Variants in ZZEF1 observed in about 807,000 individuals in gnomAD.
ZZEF1 encodes the protein zinc finger ZZ-type and EF-hand domain-containing protein 1.
A neutral mutation model predicts 342.8 loss-of-function variants in ZZEF1; 157 were observed. The observed-to-expected ratio is 0.46, with a 90% CI of 0.40 to 0.52. The LOEUF is 0.52. Among genes scored for constraint, ZZEF1 ranks in the 20% least tolerant of loss-of-function variants. ZZEF1 has a pLI of 0.00. For missense variants in ZZEF1, 3,480 were observed against 3,725.6 expected (o/e 0.93, Z 1.72); for synonymous variants, 1,505 against 1,429.1 (o/e 1.05, Z -1.20).
chr17:4,063,868 T>C (rs1043372076), intron 29 of ZZEF1, among the ~76,000 whole-genome samples: 2 of 151,826 alleles, frequency 1.3e-5, no homozygotes, highest in African/African-American at 4.8e-5. Flanking sequence ...GCTGGGATTA[T>C]AGGCATCCAC....
intron 11 of ZZEF1, among the ~76,000 whole-genome samples, chr17:4,092,076 C>CAAAAAAA (rs764233105): frequency 3.4e-5 from 1 of 29,660 alleles, no homozygotes; most frequent in South Asian, 8.7e-4. Context: ...AACTCCACCT[C>CAAAAAAA]AAAAAAAAAA....
intron 2 of ZZEF1, 75 bp from the exon 3 acceptor site, chr17:4,117,241 T>C: frequency 8.3e-7 from 1 of 1,202,256 alleles, no homozygotes; most frequent in South Asian, 1.4e-5. Flanking sequence ...TGGTGGCCTA[T>C]CTGAATTGGC....
intron 39 of ZZEF1, among the ~76,000 whole-genome samples, chr17:4,040,789 G>GT (rs2056786076): frequency 6.6e-6 from 1 of 152,152 alleles, no homozygotes. Flanking sequence ...CTGGCTGGCC[G>GT]TAACACACAT....
rs879317172 is a variant in ZZEF1 at position 4,120,358 on chromosome 17, G to GA, written c.500-3193dup. 7.6e-3 allele frequency among the ~76,000 whole-genome samples: 1,006 copies of GA among 132,008 alleles called. 10 individuals carry two copies. Among genetic ancestry groups the GA allele is most frequent in the African/African-American group, 0.021 (758 of 36,006 alleles). 86.6% of individuals were successfully genotyped at this position (132,008 alleles called of 152,430 possible). On this transcript the variant is annotated intron_variant, in intron 2 of 54. Transcript: ENST00000381638. ...GGTGACAGAGCAAGATTCCGTCTCAGAAAAAAAAAAAAAATGTTCCTTTAG... is the reference window on the plus strand; with the variant it reads ...GGTGACAGAGCAAGATTCCGTCTCAGAAAAAAAAAAAAAAATGTTCCTTTAG...
At chr17:4,022,458 T>C (rs1029049635) in intron 44 of ZZEF1, 1 of 427,108 alleles carries the variant, frequency 2.3e-6, no homozygotes, top group African/African-American at 2.0e-5. Context: ...TAATGGTTAA[T>C]CATGTGTTTC....
chr17:4,018,789 C>T (rs952544632), intron 46 of ZZEF1, among the ~76,000 whole-genome samples: 2 of 152,022 alleles, frequency 1.3e-5, no homozygotes, highest in Non-Finnish European at 2.9e-5. Context: ...TGCAGGTGAG[C>T]GAGGTGGTGT....
At chr17:4,081,190 T>C (rs1464556969) in intron 18 of ZZEF1, among the ~76,000 whole-genome samples, 186 bp downstream of exon 18, 1 of 152,116 alleles carries the variant, frequency 6.6e-6, no homozygotes, top group Non-Finnish European at 1.5e-5. Context: ...TGAGCTGTGA[T>C]TGTGCCACTG....
At chr17:4,047,511 C>T (rs1372579448) in intron 37 of ZZEF1, among the ~76,000 whole-genome samples, 2 of 152,140 alleles carry the variant, frequency 1.3e-5, no homozygotes, top group East Asian at 1.9e-4. Flanking sequence ...GGCATGGTGG[C>T]ATACACCTGA....
chr17:4,011,631 T>C (rs1220887885), intron 52 of ZZEF1, among the ~76,000 whole-genome samples: 1 of 152,056 alleles, frequency 6.6e-6, no homozygotes, highest in East Asian at 1.9e-4. Flanking sequence ...AGAAAAATTA[T>C]GAAATAAATA....
At position 4,104,814 on chromosome 17, in the gene ZZEF1, A is replaced by G. The variant is rs1042450577; in HGVS notation, c.1395-3T>C. 2 of 1,609,552 alleles carry G rather than the reference A, an allele frequency of 1.2e-6. No homozygotes were observed. Among genetic ancestry groups the G allele is most frequent in the South Asian group, 1.1e-5 (1 of 90,136 alleles). The stretch of plus-strand genomic sequence containing the variant: ...CTACCTCTGGGGTAGAACAGCAGCT[A>G]TAAGCAAAGAGCAAAAACTTTTCAC... On this transcript the variant is annotated splice_polypyrimidine_tract_variant and splice_region_variant and intron_variant, in intron 7 of 54. Coordinates refer to ENST00000381638, the MANE Select transcript of ZZEF1 (RefSeq NM_015113.4).
chr17:4,084,296 A>AT (rs35440452), intron 16 of ZZEF1, among the ~76,000 whole-genome samples: 4,460 of 148,810 alleles, frequency 0.03, 230 homozygotes, highest in African/African-American at 0.1. Flanking sequence ...GCATTTAGTG[A>AT]TTTTTTTTTT....
At chr17:4,048,743 T>C (rs1010202365) in intron 37 of ZZEF1, among the ~76,000 whole-genome samples, 2 of 151,932 alleles carry the variant, frequency 1.3e-5, no homozygotes, top group African/African-American at 4.8e-5. Flanking sequence ...TGAGATGGAG[T>C]CTTGCTGTCG....
chr17:4,113,615 A>G (rs2058348730), intron 4 of ZZEF1, among the ~76,000 whole-genome samples: 1 of 151,752 alleles, frequency 6.6e-6, no homozygotes, highest in South Asian at 2.1e-4. Flanking sequence ...CAGTGAACAG[A>G]GATCATGCCA....
At chr17:4,020,013 C>T in intron 45 of ZZEF1, 1 of 405,630 alleles carries the variant, frequency 2.5e-6, no homozygotes. Context: ...AAAGAAATAT[C>T]CTGTCAACAA....
chr17:4,112,618 T>A lies in ZZEF1; in HGVS notation c.1057A>T (p.Ser353Cys), dbSNP rs139668035. Residue 353 changes from serine to cysteine, a missense_variant, in exon 5 of 55, where the codon AGT (serine) becomes TGT (cysteine). By Grantham distance (112) the Ser-to-Cys change is moderately radical. Transcript: ENST00000381638. Reference protein sequence around the residue: ...YVTLLENANVSQLYVQINIKR... With the variant: ...YVTLLENANVCQLYVQINIKR... ...GTTCTGTTGGACTTACAGAGCTGAC[T>A]GACGTTGGCATTTTCCAGCAGCGTC... 1 of 1,614,168 alleles carries A rather than the reference T, an allele frequency of 6.2e-7. No individual in the cohort carries two copies. Among genetic ancestry groups the A allele is most frequent in the Admixed American group, 1.7e-5 (1 of 60,022 alleles).
At chr17:4,104,579 T>C in intron 8 of ZZEF1, 54 bp downstream of exon 8, 1 of 1,590,126 alleles carries the variant, frequency 6.3e-7, no homozygotes, top group South Asian at 1.1e-5. Context: ...AGAATGGTTT[T>C]ACGATTTGTC....
In ZZEF1 at chr17:4,072,708, A is replaced by G; in HGVS notation, c.3734T>C (p.Leu1245Pro). 1 of 1,614,048 alleles carries G rather than the reference A, an allele frequency of 6.2e-7. No individual in the cohort carries two copies. The highest frequency in any genetic ancestry group is 8.5e-7 in the Non-Finnish European group (1 of 1,179,922). Residue 1245 changes from leucine to proline, a missense_variant, in exon 25 of 55, where the codon CTA becomes CCA. Leu to Pro is a moderately conservative substitution (Grantham distance 98, BLOSUM62 -3). Around this residue, in one of 5 missense-constraint regions of ZZEF1, gnomAD observed 1,528 missense variants for 1,624.1 expected, o/e 0.94. Transcript: ENST00000381638. ...VVPQAKMALV[L>P]SSPLWKPVFR... ...GACAGGTTTCCACAGTGGGGAGCTT[A>G]GGACTAATGCCATTTTTGCCTGAGG...
chr17:4,009,056 T>C (rs1364133226), intron 53 of ZZEF1, 102 bp from the exon 54 acceptor site: 13 of 1,383,564 alleles, frequency 9.4e-6, no homozygotes, highest in South Asian at 1.3e-5. Flanking sequence ...AAGCCTCTCA[T>C]GGGCGGACGC....
At position 4,141,725 on chromosome 17, in the gene ZZEF1, A is replaced by G. The variant is rs1051233998; in HGVS notation, c.354+817T>C. Among the ~76,000 whole-genome samples, 5 of 152,186 alleles carry G rather than the reference A, an allele frequency of 3.3e-5. 1 individual carries two copies. Among genetic ancestry groups the G allele is most frequent in the African/African-American group, 1.2e-4 (5 of 41,436 alleles). On this transcript the variant is annotated intron_variant, in intron 1 of 54. Coordinates refer to ENST00000381638, the MANE Select transcript of ZZEF1 (RefSeq NM_015113.4). ...AAAATAAAAGTTGAAAGAAAGAAAA[A>G]AAAAAAAAGCAAGAGATCTAGTTGA... is the stretch of plus-strand genomic sequence containing the variant.
Sources: gnomAD v4.1 joint callset for allele counts (sites outside exome capture counted in the v4.1 genomes callset) on GRCh38, gnomAD v4.1.1 for gene constraint, gnomAD v4.1.1 regional missense constraint, MANE v1.5 for transcripts, NCBI Gene and HGNC (gene_info 2026-07-23, HGNC 2026-07-21) for gene names.